The following THADA variants were observed in gnomAD, a reference collection of about 807,000 sequenced individuals.
THADA encodes tRNA (32-2'-O)-methyltransferase regulator THADA.
In THADA, 213 loss-of-function variants were observed where a neutral mutation model predicts 219.8. That is an observed-to-expected ratio of 0.97 (90% confidence interval 0.87 to 1.09). The LOEUF (loss-of-function observed/expected upper bound fraction) is 1.09. Among genes scored for constraint, THADA ranks in the 50% least tolerant of loss-of-function variants. The pLI, the probability that THADA is intolerant of heterozygous loss-of-function variation, is 0.00. For missense variants in THADA, 2,956 were observed against 2,311.3 expected, an observed-to-expected ratio of 1.28 and a Z score of -5.72; for synonymous variants, 1,018 against 828.9, an observed-to-expected ratio of 1.23 and a Z score of -3.92.
intron 8 of THADA, among the ~76,000 whole-genome samples, chr2:43,579,537 C>A (rs1313659495): frequency 6.6e-6 from 1 of 152,138 alleles, no homozygotes; most frequent in Non-Finnish European, 1.5e-5. Flanking sequence ...TCCACTCTGC[C>A]CTTCATCACT....
At chr2:43,292,082 A>C in intron 33 of THADA, 22 bp downstream of exon 33, 1 of 1,521,312 alleles carries the variant, frequency 6.6e-7, no homozygotes, top group Non-Finnish European at 9.0e-7. Context: ...CCAAGGTTGC[A>C]CAGGAGGTTT....
chr2:43,400,121 C>T (rs1036010715), intron 28 of THADA, among the ~76,000 whole-genome samples: 3 of 152,104 alleles, frequency 2.0e-5, no homozygotes, highest in Admixed American at 6.5e-5. Flanking sequence ...TTCCAATTAG[C>T]AGTGACTGTA....
chr2:43,232,875 G>A lies in THADA; in HGVS notation c.5304C>T (p.Ala1768=), dbSNP rs1187966087. ...QENTCQSTEF[A]FCQVDASIAL... is the part of the protein sequence containing the mutation. Reference sequence around the variant, plus strand: ...CGATGGAGGCATCCACCTGGCAGAAGGCAAACTCTGCAAAGACAGGAGAAA... The same window carrying A: ...CGATGGAGGCATCCACCTGGCAGAAAGCAAACTCTGCAAAGACAGGAGAAA... The change falls in exon 37 of 38, where the codon GCC becomes GCT. Residue 1768 remains alanine, a synonymous_variant. Transcript: ENST00000405975. 4.4e-6 allele frequency: 7 copies of A among 1,608,818 alleles called. No homozygotes were observed. In the East Asian group the frequency reaches 8.9e-5, roughly 21 times the overall value.
chr2:43,387,885 G>A lies in THADA; in HGVS notation c.4227+10086C>T, dbSNP rs373551891. On this transcript the variant is annotated intron_variant, in intron 29 of 37. Transcript: ENST00000405975. Reference sequence around the variant, plus strand: ...CAAGAATGTCATGAACAACAATATGGTCTAAAATAGGAAAAGAGTTTTATT... The same window carrying A: ...CAAGAATGTCATGAACAACAATATGATCTAAAATAGGAAAAGAGTTTTATT... Among the ~76,000 whole-genome samples, 16 of 152,300 alleles carry A rather than the reference G, an allele frequency of 1.1e-4. No individual in the cohort carries two copies. The East Asian group carries it at 3.1e-3, about 29-fold the overall frequency.
chr2:43,414,299 T>A (rs922210614), intron 28 of THADA, among the ~76,000 whole-genome samples: 1 of 152,234 alleles, frequency 6.6e-6, no homozygotes, highest in Admixed American at 6.5e-5. Flanking sequence ...TGGCATCAAG[T>A]ACATTTACCA....
chr2:43,537,032 T>C (rs1694699582), intron 21 of THADA, among the ~76,000 whole-genome samples: 1 of 152,242 alleles, frequency 6.6e-6, no homozygotes, highest in Non-Finnish European at 1.5e-5. Flanking sequence ...AATTTCACTT[T>C]GGTTAAACGG....
chr2:43,392,029 T>C (rs1387361468), intron 29 of THADA: 2 of 152,246 alleles, frequency 1.3e-5, no homozygotes, highest in South Asian at 2.1e-4. Flanking sequence ...CATAGTTTCA[T>C]GCTTTTGTTT....
chr2:43,238,118 C>CAA (rs59802310), intron 36 of THADA, among the ~76,000 whole-genome samples: 2,179 of 28,274 alleles, frequency 0.077, 583 homozygotes, highest in Non-Finnish European at 0.09. Context: ...GATTCCATCT[C>CAA]AAAAAAAAAA....
intron 36 of THADA, among the ~76,000 whole-genome samples, chr2:43,236,058 C>T (rs992841410): frequency 1.3e-5 from 2 of 152,196 alleles, no homozygotes; most frequent in African/African-American, 4.8e-5. Context: ...ATCCACCTGC[C>T]TCGGCCTCCC....
In THADA at chr2:43,509,318, C is replaced by T. The variant is rs1310252088; in HGVS notation, c.3375-538G>A. Among the ~76,000 whole-genome samples, 8 of 152,078 alleles carry T rather than the reference C, an allele frequency of 5.3e-5. No homozygotes were observed. The East Asian group carries it at 7.7e-4, about 15-fold the overall frequency. On this transcript the variant is annotated intron_variant, in intron 22 of 37. Coordinates refer to ENST00000405975, the MANE Select transcript of THADA (RefSeq NM_022065.5). ...GGGAAGAGGCATAAACATTTTGAGG[C>T]GATTTGAACATTACATCAGTGAGCT...
chr2:43,303,627 G>A (rs1056316899), intron 31 of THADA, among the ~76,000 whole-genome samples: 1 of 150,824 alleles, frequency 6.6e-6, no homozygotes, highest in Non-Finnish European at 1.5e-5. Flanking sequence ...GCTTTAACAA[G>A]GGCATTCTGA....
chr2:43,542,297 G>A (rs1695430267), intron 20 of THADA, among the ~76,000 whole-genome samples: 1 of 152,066 alleles, frequency 6.6e-6, no homozygotes, highest in Non-Finnish European at 1.5e-5. Flanking sequence ...CACTAAAGAA[G>A]GAAGACATGG....
chr2:43,529,730 G>A lies in THADA; in HGVS notation c.3265-1742C>T, dbSNP rs566594696. On this transcript the variant is annotated intron_variant, in intron 21 of 37. Transcript: ENST00000405975. Reference sequence around the variant, plus strand: ...CAGATCACAGGATGGTAAAAGACAAGTTGTCCCAAGATATCTCAGATATGC... The same window carrying A: ...CAGATCACAGGATGGTAAAAGACAAATTGTCCCAAGATATCTCAGATATGC... Among the ~76,000 whole-genome samples, 49 of 152,280 alleles carry A rather than the reference G, an allele frequency of 3.2e-4. 2 individuals are homozygous for A. The South Asian group carries it at 9.9e-3, about 31-fold the overall frequency.
rs766451280 is a variant in THADA at position 43,286,995 on chromosome 2, G to A, written c.5077C>T (p.His1693Tyr). ...VQLVILSCED[H>Y]LPTESRLAVV... ...GCCAGCCTAGACTCTGTAGGAAGATGGTCTTCACATGACAAGATGACCAGC... is the reference window on the plus strand; with the variant it reads ...GCCAGCCTAGACTCTGTAGGAAGATAGTCTTCACATGACAAGATGACCAGC... The change falls in exon 35 of 38, where the codon CAT becomes TAT. Residue 1693 changes from histidine (H) to tyrosine (Y), a missense_variant. His to Tyr is a moderately conservative substitution (Grantham distance 83). Transcript: ENST00000405975. 6.2e-7 allele frequency: 1 copy of A among 1,613,980 alleles called. No homozygotes were observed. The highest frequency in any genetic ancestry group is 1.1e-5 in the South Asian group (1 of 91,074).
At chr2:43,234,521 C>A (rs546691634) in intron 36 of THADA, among the ~76,000 whole-genome samples, 87 of 152,260 alleles carry the variant, frequency 5.7e-4, no homozygotes, top group African/African-American at 2.1e-3. Flanking sequence ...GGGTCTGAGC[C>A]ATGTGTTGAC....
At chr2:43,572,527 G>A (rs977668265) in intron 12 of THADA, among the ~76,000 whole-genome samples, 28 of 152,120 alleles carry the variant, frequency 1.8e-4, no homozygotes, top group African/African-American at 6.0e-4. Flanking sequence ...AGCCTTCCAA[G>A]CGAGTCCTTA....
intron 9 of THADA, among the ~76,000 whole-genome samples, chr2:43,577,794 A>C (rs17031079): frequency 0.14 from 21,470 of 152,052 alleles, 1,734 homozygotes; most frequent in African/African-American, 0.22. Flanking sequence ...CTTCCTGTCT[A>C]AAGCACATGA....
At position 43,328,407 on chromosome 2, in the gene THADA, C is replaced by T. The variant is rs143159088; in HGVS notation, c.4344-7867G>A. Among the ~76,000 whole-genome samples, 844 of 152,320 alleles carry T rather than the reference C, an allele frequency of 5.5e-3. 2 individuals carry two copies. Among genetic ancestry groups the T allele is most frequent in the Non-Finnish European group, 8.0e-3 (543 of 68,028 alleles). ...ATGCCCCAACATCCATCCTGCCTTT[C>T]TTGGTCTGGAGCTTTGTGAGTGTTT... On this transcript the variant is annotated intron_variant, in intron 30 of 37. Transcript: ENST00000405975.
chr2:43,457,962 TACAC>T (rs1443915980), intron 26 of THADA, among the ~76,000 whole-genome samples: 1 of 151,862 alleles, frequency 6.6e-6, no homozygotes. Context: ...TATCCTTACA[TACAC>T]ACACAGTCTC....
Sources: gnomAD v4.1 joint callset for allele counts (sites outside exome capture counted in the v4.1 genomes callset) on GRCh38, gnomAD v4.1.1 for gene constraint, MANE v1.5 for transcripts, NCBI Gene and HGNC (gene_info 2026-07-23, HGNC 2026-07-21) for gene names.